EPS15: variants seen among roughly 807,000 people sequenced by gnomAD.
EPS15 encodes the protein epidermal growth factor receptor pathway substrate 15.
EPS15 carries 72 observed loss-of-function variants against 113.8 expected under a neutral mutation model. The observed-to-expected ratio is 0.63, with a 90% CI of 0.52 to 0.77. The LOEUF is 0.77. EPS15 is among the 30% of genes least tolerant of loss of function. The probability of loss-of-function intolerance (pLI) is 0.00; values close to 1 mark genes in which losing one functional copy is unlikely to be tolerated. For synonymous variants in EPS15, 344 were observed against 363.4 expected, an observed-to-expected ratio of 0.95 and a Z score of 0.61; for missense variants, 1,048 against 1,045.8, an observed-to-expected ratio of 1.00 and a Z score of -0.03.
Position 51,355,528 on chromosome 1 carries a change from CTTCTCTCCCAATT to C in EPS15, c.*1159_*1171del. On this transcript the variant is annotated 3_prime_UTR_variant, in exon 25 of 25. Transcript: ENST00000371733. ...AGAGGTCTGATAATCTGGCAGGTCT[CTTCTCTCCCAATT>C]AAAAAAACAAGAGTTTTTTTGCTAG... 1 of 193,128 alleles carries C rather than the reference CTTCTCTCCCAATT, an allele frequency of 5.2e-6. No homozygotes were observed. The highest frequency in any genetic ancestry group is 8.2e-5 in the East Asian group (1 of 12,178). 12.0% of individuals were successfully genotyped at this position (193,128 alleles called of 1,614,324 possible). A position where few individuals can be genotyped will look rare whatever the true frequency, so the allele number is the denominator to read the frequency against.
intron 21 of EPS15, among the ~76,000 whole-genome samples, chr1:51,393,369 C>T (rs1647586306): frequency 6.6e-6 from 1 of 152,200 alleles, no homozygotes; most frequent in African/African-American, 2.4e-5. Context: ...ACCACCATAC[C>T]TGGCTAATTT....
At chr1:51,454,934 G>GAA (rs1016339300) in intron 8 of EPS15, among the ~76,000 whole-genome samples, 20 of 130,438 alleles carry the variant, frequency 1.5e-4, no homozygotes, top group African/African-American at 4.4e-4. Context: ...AGTTCATTAG[G>GAA]AAAAAAAAAA....
chr1:51,434,764 C>T (rs1652007376), intron 12 of EPS15, among the ~76,000 whole-genome samples: 1 of 152,144 alleles, frequency 6.6e-6, no homozygotes, highest in East Asian at 1.9e-4. Flanking sequence ...CTCCACCTCC[C>T]GGGTTCAAGC....
rs1464401875 is a variant in EPS15 at position 51,447,109 on chromosome 1, C to T, written c.652-4G>A. The T allele has an allele frequency of 1.3e-6, 2 of 1,585,210 alleles. No homozygotes were observed. Among genetic ancestry groups the T allele is most frequent in the South Asian group, 1.2e-5 (1 of 85,974 alleles). On this transcript the variant is annotated splice_region_variant and splice_polypyrimidine_tract_variant and intron_variant, in intron 9 of 24. Transcript: ENST00000371733. Reference sequence around the variant, plus strand: ...TTTCTGCAGGGGATACAACCCACTACAGGGAGGAAAAAAAACAGTATTTCT... The same window carrying T: ...TTTCTGCAGGGGATACAACCCACTATAGGGAGGAAAAAAAACAGTATTTCT...
At chr1:51,388,152 C>G (rs551532378) in intron 21 of EPS15, among the ~76,000 whole-genome samples, 50 of 152,312 alleles carry the variant, frequency 3.3e-4, no homozygotes, top group Non-Finnish European at 6.5e-4. Flanking sequence ...AACTAGAACT[C>G]AGGATTAAGA....
At chr1:51,393,272 A>C (rs1647572552) in intron 21 of EPS15, among the ~76,000 whole-genome samples, 1 of 152,198 alleles carries the variant, frequency 6.6e-6, no homozygotes, top group South Asian at 2.1e-4. Context: ...GCTGGCGTGC[A>C]ATGGCACAAT....
At chr1:51,417,336 C>T (rs1040724490) in intron 13 of EPS15, among the ~76,000 whole-genome samples, 2 of 152,162 alleles carry the variant, frequency 1.3e-5, no homozygotes, top group Non-Finnish European at 2.9e-5. Flanking sequence ...AACTACTATG[C>T]TCTCAATCTT....
At chr1:51,491,363 T>A (rs1644229571) in intron 1 of EPS15, among the ~76,000 whole-genome samples, 1 of 152,156 alleles carries the variant, frequency 6.6e-6, no homozygotes, top group Non-Finnish European at 1.5e-5. Flanking sequence ...CACCACCCTT[T>A]AAAGATAGAA....
At chr1:51,440,583 C>T (rs1311355812) in intron 11 of EPS15, 151 bp from the exon 12 acceptor site, 2 of 369,844 alleles carry the variant, frequency 5.4e-6, no homozygotes, top group Non-Finnish European at 9.8e-6. Context: ...ATATCTAGTA[C>T]AATTATATAT....
chr1:51,405,903 A>T lies in EPS15; in HGVS notation c.1677+2T>A. 2 of 1,613,082 alleles carry T rather than the reference A, an allele frequency of 1.2e-6. No individual in the cohort carries two copies. Among genetic ancestry groups the T allele is most frequent in the Non-Finnish European group, 1.7e-6 (2 of 1,179,078 alleles). ...TGAAGGTTATGAAAGTATTAGACTCACTGGAGATTCCTGGTGTATGGGCTC... is the reference window on the plus strand; with the variant it reads ...TGAAGGTTATGAAAGTATTAGACTCTCTGGAGATTCCTGGTGTATGGGCTC... On this transcript the variant is annotated splice_donor_variant, in intron 16 of 24. Coordinates refer to ENST00000371733, the MANE Select transcript of EPS15 (RefSeq NM_001981.3). LOFTEE classifies it high-confidence loss of function.
chr1:51,361,679 C>T (rs1233384491), intron 23 of EPS15, among the ~76,000 whole-genome samples: 2 of 152,040 alleles, frequency 1.3e-5, no homozygotes, highest in East Asian at 1.9e-4. Context: ...AAAGGAGAGA[C>T]GAATGGATTA....
intron 4 of EPS15, 59 bp downstream of exon 4, chr1:51,471,631 T>C: frequency 7.6e-7 from 1 of 1,321,086 alleles, no homozygotes; most frequent in Non-Finnish European, 1.1e-6. Context: ...AAAACCCTGC[T>C]GGCTATTTTT....
intron 6 of EPS15, among the ~76,000 whole-genome samples, chr1:51,464,826 T>C (rs1472075793): frequency 6.6e-6 from 1 of 152,198 alleles, no homozygotes; most frequent in African/African-American, 2.4e-5. Flanking sequence ...TCTAAGCATT[T>C]TTAAATTACA....
At chr1:51,506,463 C>A (rs774287291) in intron 1 of EPS15, among the ~76,000 whole-genome samples, 2 of 151,990 alleles carry the variant, frequency 1.3e-5, no homozygotes, top group East Asian at 3.8e-4. Flanking sequence ...GACATAAGTG[C>A]TCATGTCAAT....
Position 51,386,351 on chromosome 1 carries a change from G to C in EPS15, c.2119+8030C>G, listed in dbSNP as rs116599444. Among the ~76,000 whole-genome samples the C allele has an allele frequency of 6.1e-3, 924 of 152,338 alleles. 9 individuals are homozygous for C. Among genetic ancestry groups the C allele is most frequent in the African/African-American group, 0.02 (848 of 41,576 alleles). ...AAAAGTAGAGAATAGTAATGTGGGAGCACTGAGCTGGGTAGTGGTACTTGT... is the reference window on the plus strand; with the variant it reads ...AAAAGTAGAGAATAGTAATGTGGGACCACTGAGCTGGGTAGTGGTACTTGT... On this transcript the variant is annotated intron_variant, in intron 21 of 24. Coordinates refer to ENST00000371733, the MANE Select transcript of EPS15 (RefSeq NM_001981.3).
intron 1 of EPS15, among the ~76,000 whole-genome samples, chr1:51,483,201 A>G (rs1219708571): frequency 2.0e-5 from 3 of 152,216 alleles, no homozygotes; most frequent in African/African-American, 7.2e-5. Flanking sequence ...GATCACAAAA[A>G]GGATGAGTAT....
intron 21 of EPS15, among the ~76,000 whole-genome samples, chr1:51,381,392 A>G (rs577563241): frequency 6.6e-6 from 1 of 152,306 alleles, no homozygotes; most frequent in East Asian, 1.9e-4. Flanking sequence ...CAGGAGTTCG[A>G]GACCAGCCTG....
chr1:51,427,090 A>G (rs1651287550), intron 12 of EPS15, among the ~76,000 whole-genome samples: 1 of 152,068 alleles, frequency 6.6e-6, no homozygotes, highest in Non-Finnish European at 1.5e-5. Context: ...GGGATAATAA[A>G]ACCTGTATCT....
At chr1:51,483,749 T>A (rs1570403127) in intron 1 of EPS15, among the ~76,000 whole-genome samples, 1 of 149,748 alleles carries the variant, frequency 6.7e-6, no homozygotes, top group South Asian at 2.1e-4. Context: ...GAGGTTGCAG[T>A]GAGCTGAAAT....
Sources: allele counts gnomAD v4.1 joint callset (sites outside exome capture counted in the v4.1 genomes callset), GRCh38; gene constraint gnomAD v4.1.1; transcripts MANE v1.5; gene names NCBI Gene and HGNC (gene_info 2026-07-23, HGNC 2026-07-21).